STX2: variants seen among roughly 807,000 people sequenced by gnomAD.
The protein encoded by STX2 is syntaxin-2.
A neutral mutation model predicts 40.6 loss-of-function variants in STX2; 27 were observed. The ratio of observed to expected loss-of-function variants is 0.66; its 90% CI spans 0.49 to 0.92. The LOEUF (loss-of-function observed/expected upper bound fraction) is 0.92, where lower values mean the gene tolerates loss of function less well. Ranked by LOEUF, STX2 falls within the 40% of genes least tolerant of loss-of-function variation. The probability of loss-of-function intolerance (pLI) is 0.00; values close to 1 mark genes in which losing one functional copy is unlikely to be tolerated. For missense variants in STX2, 328 were observed against 366.1 expected (o/e 0.90, Z 0.85); for synonymous variants, 123 against 119.1 (o/e 1.03, Z -0.22).
intron 1 of STX2, among the ~76,000 whole-genome samples, chr12:130,829,568 C>A (rs996110225): frequency 2.0e-5 from 3 of 152,160 alleles, no homozygotes; most frequent in Admixed American, 6.5e-5. Context: ...TTGCGGGGGA[C>A]CCCCTCTCTT....
chr12:130,815,762 C>T (rs1476447226), intron 3 of STX2, among the ~76,000 whole-genome samples: 3 of 152,190 alleles, frequency 2.0e-5, no homozygotes, highest in Non-Finnish European at 4.4e-5. Flanking sequence ...TGTAGGGGGG[C>T]AAGCGCCTGA....
rs35993256 is a variant in STX2 at position 130,828,391 on chromosome 12, C to CTTTT, written c.31-1128_31-1125dup. Reference sequence around the variant, plus strand: ...TACATGCACCTGCCACCACACCCGGCTTTTTTTTTTTTTTTTTTTTGTATT... The same window carrying CTTTT: ...TACATGCACCTGCCACCACACCCGGCTTTTTTTTTTTTTTTTTTTTTTTTGTATT... On this transcript the variant is annotated intron_variant, in intron 1 of 10. Transcript: ENST00000392373. Among the ~76,000 whole-genome samples the CTTTT allele has an allele frequency of 1.7e-4, 18 of 106,524 alleles. 1 individual carries two copies. The highest frequency in any genetic ancestry group is 4.8e-4 in the African/African-American group (13 of 26,946). 69.9% of individuals were successfully genotyped at this position (106,524 alleles called of 152,430 possible).
At chr12:130,816,810 C>G (rs1332282518) in intron 3 of STX2, among the ~76,000 whole-genome samples, 11 of 152,216 alleles carry the variant, frequency 7.2e-5, no homozygotes, top group Non-Finnish European at 2.9e-5. Context: ...CATGTGCCAA[C>G]TCCATAAAAG....
At chr12:130,799,866 A>G (rs1348272291) in intron 8 of STX2, among the ~76,000 whole-genome samples, 1 of 151,790 alleles carries the variant, frequency 6.6e-6, no homozygotes, top group Non-Finnish European at 1.5e-5. Context: ...ACACATTCTC[A>G]TTATAAAGTT....
intron 3 of STX2, 37 bp from the exon 4 acceptor site, chr12:130,813,068 T>A (rs1378615616): frequency 2.4e-6 from 3 of 1,248,018 alleles, no homozygotes; most frequent in South Asian, 3.2e-5. Flanking sequence ...AAATACAGCA[T>A]CTGAGCTATA....
intron 4 of STX2, chr12:130,812,005 T>C (rs1398637071): frequency 9.9e-6 from 2 of 201,530 alleles, no homozygotes; most frequent in African/African-American, 2.4e-5. Context: ...TTAAATGTGC[T>C]GCAGAGGTAA....
intron 5 of STX2, among the ~76,000 whole-genome samples, chr12:130,808,059 C>T (rs758051566): frequency 1.3e-5 from 2 of 152,152 alleles, no homozygotes; most frequent in African/African-American, 2.4e-5. Flanking sequence ...GTACATTAGC[C>T]GCTTACCTTC....
chr12:130,806,494 C>G (rs912067842), intron 6 of STX2, among the ~76,000 whole-genome samples: 1 of 152,162 alleles, frequency 6.6e-6, no homozygotes, highest in Non-Finnish European at 1.5e-5. Context: ...AATGGGGAGT[C>G]TACAAACCTG....
At chr12:130,810,946 C>CTT (rs1951625161) in intron 4 of STX2, 1 of 152,214 alleles carries the variant, frequency 6.6e-6, no homozygotes, top group Non-Finnish European at 1.5e-5. Context: ...CCCTGCAACA[C>CTT]ATTCAGTAAG....
At chr12:130,817,710 T>G (rs894130246) in intron 3 of STX2, among the ~76,000 whole-genome samples, 2 of 151,194 alleles carry the variant, frequency 1.3e-5, no homozygotes, top group South Asian at 2.1e-4. Context: ...AAGCTCTAAT[T>G]AGCTGACAAA....
chr12:130,818,185 A>AAAAAAAAAAAATATATATATAT, intron 3 of STX2, among the ~76,000 whole-genome samples: 7 of 70,578 alleles, frequency 9.9e-5, no homozygotes, highest in Non-Finnish European at 1.6e-4. Context: ...AAAAAAAAAA[A>AAAAAAAAAAAATATATATATAT]ATATATATAT....
At position 130,801,281 on chromosome 12, in the gene STX2, CTGATA is replaced by C. The variant is rs1316565306; in HGVS notation, c.542_546del (p.Ile181ArgfsTer6). The stretch of plus-strand genomic sequence containing the variant: ...AGAGCTTGTCTAGTAATTTGTGAAT[CTGATA>C]TAATCTTGGAAAAACAAAAATAAAA... On this transcript the variant is annotated frameshift_variant, in exon 8 of 11. Coordinates refer to ENST00000392373, the MANE Select transcript of STX2 (RefSeq NM_194356.4). LOFTEE classifies it high-confidence loss of function. 1.2e-6 allele frequency: 2 copies of C among 1,609,554 alleles called. No individual in the cohort carries two copies. Among genetic ancestry groups the C allele is most frequent in the Non-Finnish European group, 8.5e-7 (1 of 1,177,304 alleles).
At position 130,818,703 on chromosome 12, in the gene STX2, G is replaced by A. The variant is rs73473047; in HGVS notation, c.205+2986C>T. ...CAGACGGTGCAGACGCTGCCCCAGC[G>A]CATTCGGAGCGGAGCCCCAGGGAAC... On this transcript the variant is annotated intron_variant, in intron 3 of 10. Coordinates refer to ENST00000392373, the MANE Select transcript of STX2 (RefSeq NM_194356.4). Among the ~76,000 whole-genome samples, 672 of 152,264 alleles carry A rather than the reference G, an allele frequency of 4.4e-3. 9 individuals are homozygous for A. Among genetic ancestry groups the A allele is most frequent in the African/African-American group, 0.016 (646 of 41,540 alleles).
intron 1 of STX2, among the ~76,000 whole-genome samples, chr12:130,833,354 CCTCATG>C (rs1952644021): frequency 6.6e-6 from 1 of 152,006 alleles, no homozygotes; most frequent in South Asian, 2.1e-4. Context: ...TAACTCCATC[CCTCATG>C]AGGGCTGATG....
chr12:130,839,025 GC>G (rs1952832904), intron 1 of STX2, 44 bp downstream of exon 1: 45 of 991,402 alleles, frequency 4.5e-5, no homozygotes, highest in Non-Finnish European at 5.6e-5. Context: ...CCCTCCAGAC[GC>G]CGCCCCGGCC....
chr12:130,806,165 G>A (rs925919101), intron 6 of STX2, among the ~76,000 whole-genome samples: 1 of 152,216 alleles, frequency 6.6e-6, no homozygotes, highest in Non-Finnish European at 1.5e-5. Flanking sequence ...AAGGTCAAGC[G>A]GCCTGGCGGG....
In STX2 at chr12:130,821,737, C is replaced by T; in HGVS notation, c.157G>A (p.Val53Ile). Residue 53 changes from valine (V) to isoleucine (I), a missense_variant, in exon 3 of 11, where the codon GTA becomes ATA. By Grantham distance (29) the Val-to-Ile change is conservative. Transcript: ENST00000392373. The stretch of plus-strand genomic sequence containing the variant: ...AGAATGATGCTGTGGTTTTTCTTTA[C>T]TTCTTCAACATATTGAGTTATTTTA... Reference protein sequence around the residue: ...IDKITQYVEEVKKNHSIILSA... With the variant: ...IDKITQYVEEIKKNHSIILSA... 6.2e-7 allele frequency: 1 copy of T among 1,613,656 alleles called. No individual in the cohort carries two copies. The highest frequency in any genetic ancestry group is 1.1e-5 in the South Asian group (1 of 91,066).
chr12:130,818,124 G>A (rs1282623775), intron 3 of STX2, among the ~76,000 whole-genome samples: 52 of 144,812 alleles, frequency 3.6e-4, no homozygotes, highest in African/African-American at 1.3e-3. Flanking sequence ...TGCCCTGCAG[G>A]GGAGGGGACA....
chr12:130,832,483 T>C (rs1486080095), intron 1 of STX2, among the ~76,000 whole-genome samples: 1 of 151,502 alleles, frequency 6.6e-6, no homozygotes, highest in Non-Finnish European at 1.5e-5. Context: ...CACTAAACAA[T>C]GCCAAATTGC....
Sources: allele counts gnomAD v4.1 joint callset (sites outside exome capture counted in the v4.1 genomes callset), GRCh38; gene constraint gnomAD v4.1.1; transcripts MANE v1.5; gene names NCBI Gene and HGNC (gene_info 2026-07-23, HGNC 2026-07-21).